Variants in ZBTB49 observed in about 807,000 individuals in gnomAD.
ZBTB49 encodes the protein zinc finger and BTB domain-containing protein 49.
ZBTB49 carries 43 observed loss-of-function variants against 57.5 expected under a neutral mutation model. The ratio of observed to expected loss-of-function variants is 0.75; its 90% confidence interval spans 0.59 to 0.97. ZBTB49 has a LOEUF of 0.97. Ranked by LOEUF, ZBTB49 falls within the 50% of genes least tolerant of loss-of-function variation. The pLI is 0.00. For synonymous variants in ZBTB49, 369 were observed against 362.1 expected, an observed-to-expected ratio of 1.02 and a Z score of -0.22; for missense variants, 938 against 947.7, an observed-to-expected ratio of 0.99 and a Z score of 0.13.
At chr4:4,305,463 A>G (rs1405110099) in intron 3 of ZBTB49, among the ~76,000 whole-genome samples, 2 of 152,170 alleles carry the variant, frequency 1.3e-5, no homozygotes, top group East Asian at 1.9e-4. Context: ...AATTCAGATC[A>G]TGTTCTGTAG....
At chr4:4,298,882 TTTG>T (rs1720340132) in intron 1 of ZBTB49, among the ~76,000 whole-genome samples, 1 of 152,172 alleles carries the variant, frequency 6.6e-6, no homozygotes, top group African/African-American at 2.4e-5. Flanking sequence ...TCTTAACTGT[TTTG>T]TTTAGTCGTG....
In ZBTB49 at chr4:4,302,643, C is replaced by T. The variant is rs745684881; in HGVS notation, c.807C>T (p.Pro269=). The T allele has an allele frequency of 6.8e-6, 11 of 1,610,806 alleles. No homozygotes were observed. The highest frequency in any genetic ancestry group is 4.5e-5 in the East Asian group (2 of 44,866). ...VSHSECILES[P]EHLPSNFLAQ... is the part of the protein sequence containing the mutation. ...ATTCTGAATGCATCCTGGAGTCTCC[C>T]GAGCACTTACCTTCCAACTTCCTGG... is the stretch of plus-strand genomic sequence containing the variant. The change falls in exon 3 of 8, where the codon CCC becomes CCT. Residue 269 remains proline, a synonymous_variant. Transcript: ENST00000337872.
intron 1 of ZBTB49, among the ~76,000 whole-genome samples, chr4:4,293,573 C>G (rs1226397039): frequency 6.6e-6 from 1 of 152,202 alleles, no homozygotes; most frequent in South Asian, 2.1e-4. Context: ...ACACTCTACC[C>G]CCAAATTTAG....
chr4:4,306,307 CTT>C, intron 4 of ZBTB49, 123 bp downstream of exon 4: 1 of 790,888 alleles, frequency 1.3e-6, no homozygotes, highest in Admixed American at 2.6e-5. Context: ...AACTTAAAGA[CTT>C]CAGAATAAAT....
intron 1 of ZBTB49, among the ~76,000 whole-genome samples, chr4:4,297,290 G>T (rs1454478004): frequency 6.6e-6 from 1 of 152,046 alleles, no homozygotes; most frequent in African/African-American, 2.4e-5. Context: ...GGCTGGTCTC[G>T]AACTCCTGAC....
rs1310330985 is a variant in ZBTB49 at position 4,306,186 on chromosome 4, T to A, written c.1302+2T>A. 1.2e-6 allele frequency: 2 copies of A among 1,612,158 alleles called. No homozygotes were observed. The highest frequency in any genetic ancestry group is 1.7e-6 in the Non-Finnish European group (2 of 1,178,750). On this transcript the variant is annotated splice_donor_variant, in intron 4 of 7. Transcript: ENST00000337872. LOFTEE classifies it high-confidence loss of function. Reference sequence around the variant, plus strand: ...ATTTGTGGGAAACATTTCTCTCAGGTGGGAATACTCTTATTTATTGTTAAT... The same window carrying A: ...ATTTGTGGGAAACATTTCTCTCAGGAGGGAATACTCTTATTTATTGTTAAT...
chr4:4,314,091 G>C (rs2980179), intron 5 of ZBTB49, among the ~76,000 whole-genome samples: 1 of 152,182 alleles, frequency 6.6e-6, no homozygotes, highest in Non-Finnish European at 1.5e-5. Context: ...AGCGACTCTC[G>C]ATTCAGTTTC....
chr4:4,320,575 G>A lies in ZBTB49; in HGVS notation c.1622-65G>A, dbSNP rs948987215. 27 of 1,586,222 alleles carry A rather than the reference G, an allele frequency of 1.7e-5. No homozygotes were observed. The African/African-American group carries it at 2.4e-4, about 14-fold the overall frequency. On this transcript the variant is annotated intron_variant, in intron 7 of 7. Coordinates refer to ENST00000337872, the MANE Select transcript of ZBTB49 (RefSeq NM_145291.4). The stretch of plus-strand genomic sequence containing the variant: ...GGATTGTTTGAGGCTAGGAGTTCAC[G>A]ACCAGCCTGGGCCACATAGTGAGAC...
At chr4:4,305,964 G>T (rs888865191) in intron 3 of ZBTB49, among the ~76,000 whole-genome samples, 174 bp from the exon 4 acceptor site, 4 of 152,200 alleles carry the variant, frequency 2.6e-5, no homozygotes, top group African/African-American at 7.2e-5. Flanking sequence ...TATCATCTCT[G>T]TGTAGAAATA....
At chr4:4,318,069 G>A (rs932825039) in intron 7 of ZBTB49, among the ~76,000 whole-genome samples, 3 of 152,148 alleles carry the variant, frequency 2.0e-5, no homozygotes, top group East Asian at 3.9e-4. Context: ...GCGCCCACCC[G>A]CCTGTCCCCT....
chr4:4,317,836 C>T (rs1411921759), intron 7 of ZBTB49, among the ~76,000 whole-genome samples: 1 of 152,164 alleles, frequency 6.6e-6, no homozygotes, highest in African/African-American at 2.4e-5. Context: ...CTGCGCTTTC[C>T]GAGATGCAGG....
At chr4:4,293,138 T>C (rs769101351) in intron 1 of ZBTB49, among the ~76,000 whole-genome samples, 1 of 152,214 alleles carries the variant, frequency 6.6e-6, no homozygotes, top group Non-Finnish European at 1.5e-5. Context: ...GAAATATGTA[T>C]TGAGTGCCTA....
chr4:4,302,408 C>CA lies in ZBTB49; in HGVS notation c.576dup (p.Gln193ThrfsTer4). 6.2e-7 allele frequency: 1 copy of CA among 1,614,210 alleles called. No individual in the cohort carries two copies. The highest frequency in any genetic ancestry group is 8.5e-7 in the Non-Finnish European group (1 of 1,180,040). On this transcript the variant is annotated frameshift_variant, in exon 3 of 8. Transcript: ENST00000337872. LOFTEE classifies it high-confidence loss of function. ...CGTCATCACTCCGCAGGTGAAATCT[C>CA]AAAACAAGCTCCTGATACTTCAGAT...
chr4:4,313,565 C>T (rs2920204), intron 5 of ZBTB49, among the ~76,000 whole-genome samples: 60,889 of 151,882 alleles, frequency 0.4, 14,071 homozygotes, highest in Middle Eastern at 0.54. Flanking sequence ...GAGCTCCACC[C>T]CAGGGAGGAG....
At chr4:4,312,891 A>T in intron 4 of ZBTB49, 150 bp from the exon 5 acceptor site, 2 of 824,124 alleles carry the variant, frequency 2.4e-6, no homozygotes, top group Admixed American at 2.7e-5. Flanking sequence ...GCTCTTGCCC[A>T]TGGCTTCTTT....
At chr4:4,290,473 G>A (rs979257782) in intron 1 of ZBTB49, 121 bp downstream of exon 1, 1 of 152,384 alleles carries the variant, frequency 6.6e-6, no homozygotes, top group Admixed American at 6.5e-5. Flanking sequence ...GCTCCTTCCC[G>A]TCTCTGGGCA....
chr4:4,306,781 A>T (rs1006280693), intron 4 of ZBTB49, among the ~76,000 whole-genome samples: 2 of 152,194 alleles, frequency 1.3e-5, no homozygotes, highest in African/African-American at 4.8e-5. Context: ...GTGGGAACCT[A>T]TTCTTTCTGA....
At chr4:4,317,612 A>G (rs1721242188) in intron 7 of ZBTB49, among the ~76,000 whole-genome samples, 1 of 151,998 alleles carries the variant, frequency 6.6e-6, no homozygotes, top group African/African-American at 2.4e-5. Context: ...TCTTGCACTA[A>G]GCAAATCAGC....
At chr4:4,311,706 C>A (rs1720986550) in intron 4 of ZBTB49, among the ~76,000 whole-genome samples, 1 of 152,140 alleles carries the variant, frequency 6.6e-6, no homozygotes, top group Admixed American at 6.5e-5. Context: ...TGAAGTTCAG[C>A]AAATGTATAT....
Sources: gnomAD v4.1 joint callset for allele counts (sites outside exome capture counted in the v4.1 genomes callset) on GRCh38, gnomAD v4.1.1 for gene constraint, MANE v1.5 for transcripts, NCBI Gene and HGNC (gene_info 2026-07-23, HGNC 2026-07-21) for gene names.